The following CNTN5 variants were observed in gnomAD, a reference collection of about 807,000 sequenced individuals.
The protein encoded by CNTN5 is contactin-5.
CNTN5 carries 77 observed loss-of-function variants against 129.1 expected under a neutral mutation model. The ratio of observed to expected loss-of-function variants is 0.60; its 90% CI spans 0.50 to 0.72. CNTN5 has a LOEUF of 0.72. Ranked by LOEUF, CNTN5 falls within the 30% of genes least tolerant of loss-of-function variation. The pLI, the probability that CNTN5 is intolerant of heterozygous loss-of-function variation, is 0.00. For missense variants in CNTN5, 1,478 were observed against 1,328.8 expected (o/e 1.11, Z -1.75); for synonymous variants, 509 against 465.6 (o/e 1.09, Z -1.20).
chr11:99,660,633 G>A (rs974072598), intron 3 of CNTN5, among the ~76,000 whole-genome samples: 37 of 152,096 alleles, frequency 2.4e-4, no homozygotes, highest in Non-Finnish European at 5.1e-4. Flanking sequence ...TTTTGGTAGA[G>A]CCAGCATGAC....
intron 1 of CNTN5, among the ~76,000 whole-genome samples, chr11:99,170,161 A>T (rs1042875620): frequency 6.6e-6 from 1 of 152,114 alleles, no homozygotes; most frequent in Non-Finnish European, 1.5e-5. Flanking sequence ...TATATGGCTT[A>T]CGTTTATATA....
At chr11:99,505,258 TA>T (rs1267427904) in intron 2 of CNTN5, among the ~76,000 whole-genome samples, 2 of 152,174 alleles carry the variant, frequency 1.3e-5, no homozygotes, top group African/African-American at 4.8e-5. Context: ...GTTAACATTT[TA>T]AAAAAAGACA....
intron 3 of CNTN5, among the ~76,000 whole-genome samples, chr11:99,707,090 T>A (rs1007545245): frequency 6.6e-6 from 1 of 151,496 alleles, no homozygotes; most frequent in African/African-American, 2.4e-5. Context: ...CTGCCATAAA[T>A]TCCTCCTCTC....
chr11:99,718,347 T>C (rs1465822312), intron 3 of CNTN5, among the ~76,000 whole-genome samples: 1 of 152,164 alleles, frequency 6.6e-6, no homozygotes, highest in Non-Finnish European at 1.5e-5. Context: ...ATATATATTG[T>C]TATCCTACAA....
At chr11:99,620,706 C>G (rs1216421580) in intron 3 of CNTN5, among the ~76,000 whole-genome samples, 1 of 150,884 alleles carries the variant, frequency 6.6e-6, no homozygotes, top group Non-Finnish European at 1.5e-5. Context: ...AAAGCTAGGC[C>G]CCCGCTCCCC....
At chr11:99,355,353 A>G (rs1200322456) in intron 2 of CNTN5, among the ~76,000 whole-genome samples, 2 of 152,322 alleles carry the variant, frequency 1.3e-5, no homozygotes, top group South Asian at 4.1e-4. Flanking sequence ...ATTGAAATAA[A>G]TCATTAATTA....
chr11:100,027,749 G>T (rs1286835532), intron 9 of CNTN5, among the ~76,000 whole-genome samples: 1 of 152,158 alleles, frequency 6.6e-6, no homozygotes, highest in Admixed American at 6.5e-5. Flanking sequence ...CTTTGCCTAA[G>T]TCTCCCTTGC....
At chr11:100,040,914 C>T (rs902797362) in intron 9 of CNTN5, among the ~76,000 whole-genome samples, 2 of 152,202 alleles carry the variant, frequency 1.3e-5, no homozygotes, top group Non-Finnish European at 2.9e-5. Context: ...TCCCTGACCC[C>T]TTGTGCTTCC....
chr11:99,337,174 G>A (rs760545345), intron 2 of CNTN5, among the ~76,000 whole-genome samples: 23 of 152,066 alleles, frequency 1.5e-4, no homozygotes, highest in Non-Finnish European at 3.1e-4. Context: ...TCTTAGAAGA[G>A]ACTTTTGAAA....
intron 9 of CNTN5, among the ~76,000 whole-genome samples, chr11:100,004,523 C>T (rs1174016670): frequency 6.6e-6 from 1 of 152,168 alleles, no homozygotes; most frequent in Non-Finnish European, 1.5e-5. Context: ...TTTTAAATTT[C>T]CCACATACGT....
At chr11:99,145,494 G>T (rs565915832) in intron 1 of CNTN5, among the ~76,000 whole-genome samples, 1 of 151,786 alleles carries the variant, frequency 6.6e-6, no homozygotes, top group African/African-American at 2.4e-5. Flanking sequence ...CTATATTTTT[G>T]AAGACGATTT....
intron 13 of CNTN5, among the ~76,000 whole-genome samples, chr11:100,085,842 T>C (rs1180819306): frequency 6.6e-6 from 1 of 151,896 alleles, no homozygotes; most frequent in Non-Finnish European, 1.5e-5. Flanking sequence ...ACAAAAAACT[T>C]TGAGAGTTAA....
At chr11:100,187,256 T>C (rs1171688255) in intron 13 of CNTN5, among the ~76,000 whole-genome samples, 1 of 152,182 alleles carries the variant, frequency 6.6e-6, no homozygotes, top group Non-Finnish European at 1.5e-5. Context: ...AACTTTATTG[T>C]AGTTGTTTAT....
At position 100,211,415 on chromosome 11, in the gene CNTN5, G is replaced by A. The variant is rs536417442; in HGVS notation, c.1885-13277G>A. Among the ~76,000 whole-genome samples the A allele has an allele frequency of 9.9e-5, 15 of 151,956 alleles. No homozygotes were observed. The South Asian group carries it at 2.7e-3, about 27-fold the overall frequency. ...AGAACGATGTCAAATGAAGACCAAC[G>A]GAATTGAGCTATAGATTGTAGCAGA... is the stretch of plus-strand genomic sequence containing the variant. On this transcript the variant is annotated intron_variant, in intron 15 of 24. Coordinates refer to ENST00000524871, the MANE Select transcript of CNTN5 (RefSeq NM_014361.4).
At chr11:99,527,539 T>A (rs1219650519) in intron 2 of CNTN5, among the ~76,000 whole-genome samples, 1 of 152,036 alleles carries the variant, frequency 6.6e-6, no homozygotes, top group Non-Finnish European at 1.5e-5. Context: ...AGTATGAATA[T>A]GGAAGAAAAA....
chr11:99,999,425 A>G lies in CNTN5; in HGVS notation c.878-2609A>G, dbSNP rs575850896. On this transcript the variant is annotated intron_variant, in intron 8 of 24. Transcript: ENST00000524871. ...GCAAAAATGCTCATCATCACTGGCC[A>G]TCAGAGAAATGCAAATCAAAACCAC... Among the ~76,000 whole-genome samples, 152 of 152,364 alleles carry G rather than the reference A, an allele frequency of 1.0e-3. 2 individuals are homozygous for G. Among genetic ancestry groups the G allele is most frequent in the African/African-American group, 3.3e-3 (138 of 41,586 alleles).
At chr11:99,722,406 C>T (rs1943203042) in intron 3 of CNTN5, among the ~76,000 whole-genome samples, 1 of 152,064 alleles carries the variant, frequency 6.6e-6, no homozygotes, top group Admixed American at 6.6e-5. Flanking sequence ...CACTTGTTCT[C>T]ACTTGTGAGT....
intron 9 of CNTN5, among the ~76,000 whole-genome samples, chr11:100,046,333 T>C (rs1942674118): frequency 1.3e-5 from 2 of 152,200 alleles, no homozygotes; most frequent in African/African-American, 2.4e-5. Flanking sequence ...TGAAGCTCAC[T>C]GCATGATATT....
chr11:99,701,784 A>C (rs1047326970), intron 3 of CNTN5, among the ~76,000 whole-genome samples: 1 of 151,118 alleles, frequency 6.6e-6, no homozygotes, highest in East Asian at 1.9e-4. Flanking sequence ...TCTGACTATC[A>C]CAAAGTCTGT....
Sources: allele counts gnomAD v4.1 joint callset (sites outside exome capture counted in the v4.1 genomes callset), GRCh38; gene constraint gnomAD v4.1.1; transcripts MANE v1.5; gene names NCBI Gene and HGNC (gene_info 2026-07-23, HGNC 2026-07-21).